The following LRMDA variants were observed in gnomAD, a reference collection of about 807,000 sequenced individuals.
The protein encoded by LRMDA is leucine-rich melanocyte differentiation-associated protein.
In LRMDA, 18 loss-of-function variants were observed where a neutral mutation model predicts 29.8. The observed-to-expected ratio is 0.60, with a 90% CI of 0.42 to 0.90. LRMDA has a LOEUF of 0.90. Ranked by LOEUF, LRMDA falls within the 40% of genes least tolerant of loss-of-function variation. The pLI, the probability that LRMDA is intolerant of heterozygous loss-of-function variation, is 0.00. For missense variants in LRMDA, 273 were observed against 273.9 expected (o/e 1.00, Z 0.02); for synonymous variants, 125 against 109.4 (o/e 1.14, Z -0.89).
chr10:75,691,108 ATC>A lies in LRMDA; in HGVS notation c.131+252616_131+252617del, dbSNP rs1259414730. The stretch of plus-strand genomic sequence containing the variant: ...TATATCTATGTACATAGATATATAG[ATC>A]TATATATCTATATACATAGATATAT... On this transcript the variant is annotated intron_variant, in intron 2 of 6. Transcript: ENST00000611255. Among the ~76,000 whole-genome samples, 3 of 81,392 alleles carry A rather than the reference ATC, an allele frequency of 3.7e-5. 1 individual carries two copies. Among genetic ancestry groups the A allele is most frequent in the African/African-American group, 2.6e-4 (3 of 11,668 alleles). 53.4% of individuals were successfully genotyped at this position (81,392 alleles called of 152,430 possible). A position where few individuals can be genotyped will look rare whatever the true frequency, so the allele number is the denominator to read the frequency against.
At chr10:75,793,035 A>G (rs2132253954) in intron 2 of LRMDA, among the ~76,000 whole-genome samples, 1 of 152,274 alleles carries the variant, frequency 6.6e-6, no homozygotes, top group South Asian at 2.1e-4. Context: ...GACTGTCCTG[A>G]GTCTTAAAGG....
intron 6 of LRMDA, among the ~76,000 whole-genome samples, chr10:76,399,560 A>G (rs940313102): frequency 1.3e-5 from 2 of 152,222 alleles, no homozygotes; most frequent in African/African-American, 4.8e-5. Context: ...TCCAGCCTTC[A>G]TAGCATTCCT....
intron 2 of LRMDA, among the ~76,000 whole-genome samples, chr10:75,509,050 CTTTTTCTTT>C (rs1845198371): frequency 6.6e-6 from 1 of 152,160 alleles, no homozygotes; most frequent in Non-Finnish European, 1.5e-5. Context: ...TTTGTTTCTT[CTTTTTCTTT>C]TAATTTAGCA....
intron 2 of LRMDA, among the ~76,000 whole-genome samples, chr10:75,567,115 C>G (rs1686448948): frequency 6.6e-6 from 1 of 151,882 alleles, no homozygotes; most frequent in African/African-American, 2.4e-5. Flanking sequence ...GCTGTCTTCT[C>G]TCTCTCTCTC....
At chr10:76,528,431 A>AG (rs1255914831) in intron 6 of LRMDA, among the ~76,000 whole-genome samples, 1 of 152,196 alleles carries the variant, frequency 6.6e-6, no homozygotes, top group Non-Finnish European at 1.5e-5. Context: ...ACATATGGAC[A>AG]GAAAAAAGGC....
chr10:75,666,416 T>A (rs1406828682), intron 2 of LRMDA, among the ~76,000 whole-genome samples: 1 of 151,976 alleles, frequency 6.6e-6, no homozygotes, highest in African/African-American at 2.4e-5. Context: ...AGTTATACAG[T>A]ATATAAACTA....
chr10:75,914,309 C>T (rs188544124), intron 2 of LRMDA, among the ~76,000 whole-genome samples: 11 of 152,140 alleles, frequency 7.2e-5, no homozygotes, highest in African/African-American at 2.7e-4. Flanking sequence ...GGTATTTTGC[C>T]TCTCCTATTC....
chr10:75,924,625 C>G (rs1391803034), intron 2 of LRMDA, among the ~76,000 whole-genome samples: 1 of 152,028 alleles, frequency 6.6e-6, no homozygotes, highest in African/African-American at 2.4e-5. Flanking sequence ...AACAGGCTGT[C>G]AGAGCGGGAA....
chr10:75,860,044 T>G (rs1189110976), intron 2 of LRMDA, among the ~76,000 whole-genome samples: 1 of 152,190 alleles, frequency 6.6e-6, no homozygotes, highest in East Asian at 1.9e-4. Flanking sequence ...CATATAAAAT[T>G]TCTAATTATA....
In LRMDA at chr10:75,812,108, A is replaced by ATTTT. The variant is rs67846089; in HGVS notation, c.132-223873_132-223870dup. 8.2e-4 allele frequency among the ~76,000 whole-genome samples: 38 copies of ATTTT among 46,284 alleles called. 2 individuals carry two copies. Among genetic ancestry groups the ATTTT allele is most frequent in the African/African-American group, 3.3e-3 (28 of 8,378 alleles). The allele number at this position is 46,284 out of a possible 152,430, so 30.4% of individuals were successfully genotyped here. The stretch of plus-strand genomic sequence containing the variant: ...TAGTTTCTAAGGGGCTTTAATTGTG[A>ATTTT]TTTTTTTTTTTTTTTTTTTTTTTTT... On this transcript the variant is annotated intron_variant, in intron 2 of 6. Transcript: ENST00000611255.
chr10:75,878,730 T>G (rs1845242767), intron 2 of LRMDA, among the ~76,000 whole-genome samples: 1 of 152,132 alleles, frequency 6.6e-6, no homozygotes, highest in Non-Finnish European at 1.5e-5. Context: ...CCCACCCTTC[T>G]CTACCCAGCA....
chr10:76,369,119 T>G (rs1478404189), intron 6 of LRMDA, among the ~76,000 whole-genome samples: 1 of 152,236 alleles, frequency 6.6e-6, no homozygotes, highest in Non-Finnish European at 1.5e-5. Flanking sequence ...TATTGAAATG[T>G]GAGGTGCTGT....
At chr10:76,110,193 C>T (rs1360413125) in intron 5 of LRMDA, among the ~76,000 whole-genome samples, 1 of 152,196 alleles carries the variant, frequency 6.6e-6, no homozygotes, top group African/African-American at 2.4e-5. Context: ...GTCACCCCTA[C>T]AGGTATGCAA....
intron 6 of LRMDA, among the ~76,000 whole-genome samples, chr10:76,345,129 C>T (rs1268566678): frequency 1.3e-3 from 178 of 133,792 alleles, no homozygotes; most frequent in Non-Finnish European, 2.2e-3. Flanking sequence ...TGCAGTGGCG[C>T]GATCTCGGCT....
chr10:76,555,766 CAAAAAAAAA>C (rs60428922), intron 6 of LRMDA, among the ~76,000 whole-genome samples: 16 of 124,834 alleles, frequency 1.3e-4, no homozygotes, highest in East Asian at 4.7e-4. Flanking sequence ...ACAAATTAAC[CAAAAAAAAA>C]AAAAAAAAAA....
intron 5 of LRMDA, among the ~76,000 whole-genome samples, chr10:76,210,782 G>T (rs1259001439): frequency 6.6e-6 from 1 of 152,176 alleles, no homozygotes; most frequent in Non-Finnish European, 1.5e-5. Context: ...AGGAGGAGGA[G>T]ATTAGACCTT....
chr10:76,074,474 A>G (rs889588052), intron 5 of LRMDA, among the ~76,000 whole-genome samples: 20 of 152,118 alleles, frequency 1.3e-4, no homozygotes, highest in Non-Finnish European at 1.9e-4. Flanking sequence ...TGAGCTGACA[A>G]AAAAATGCAT....
intron 1 of LRMDA, 25 bp downstream of exon 1, chr10:75,431,779 C>A: frequency 7.4e-7 from 1 of 1,348,206 alleles, no homozygotes; most frequent in Non-Finnish European, 9.6e-7. Context: ...GCCCCGCCTC[C>A]GCCCGGGGCG....
chr10:75,569,742 T>C (rs1304928541), intron 2 of LRMDA, among the ~76,000 whole-genome samples: 1 of 152,224 alleles, frequency 6.6e-6, no homozygotes, highest in Non-Finnish European at 1.5e-5. Flanking sequence ...CTGATTGTGC[T>C]CAGCTGAAGG....
Sources: gnomAD v4.1 joint callset for allele counts (sites outside exome capture counted in the v4.1 genomes callset) on GRCh38, gnomAD v4.1.1 for gene constraint, MANE v1.5 for transcripts, NCBI Gene and HGNC (gene_info 2026-07-23, HGNC 2026-07-21) for gene names.